SLC22A3: variants seen among roughly 807,000 people sequenced by gnomAD.
The protein encoded by SLC22A3 is EMT organic cation transporter 3.
A neutral mutation model predicts 59.1 loss-of-function variants in SLC22A3; 51 were observed. That is an observed-to-expected ratio of 0.86 (90% confidence interval 0.69 to 1.09). The LOEUF (loss-of-function observed/expected upper bound fraction) is 1.09, where lower values mean the gene tolerates loss of function less well. Ranked by LOEUF, SLC22A3 falls within the 50% of genes least tolerant of loss-of-function variation. The probability of loss-of-function intolerance (pLI) is 0.00; values close to 1 mark genes in which losing one functional copy is unlikely to be tolerated. For missense variants in SLC22A3, 711 were observed against 726.3 expected (o/e 0.98, Z 0.24); for synonymous variants, 325 against 292.0 (o/e 1.11, Z -1.15).
chr6:160,396,746 A>C (rs532888754), intron 1 of SLC22A3, among the ~76,000 whole-genome samples: 519 of 152,242 alleles, frequency 3.4e-3, no homozygotes, highest in African/African-American at 0.011. Context: ...AATTTATTAC[A>C]TCTTATTTTT....
intron 9 of SLC22A3, among the ~76,000 whole-genome samples, chr6:160,445,503 C>A (rs1041908460): frequency 6.6e-6 from 1 of 152,176 alleles, no homozygotes; most frequent in East Asian, 1.9e-4. Context: ...TGTAGAAACA[C>A]AGATATGCAA....
rs1259246871 is a variant in SLC22A3 at position 160,451,747 on chromosome 6, C to G, written c.*691C>G. On this transcript the variant is annotated 3_prime_UTR_variant, in exon 11 of 11. Coordinates refer to ENST00000275300, the MANE Select transcript of SLC22A3 (RefSeq NM_021977.4). ...ACCAATCTGCTGTACAATCTGAGGA[C>G]TTGGCTCTGTTATTTACAAAATGAT... 4 of 152,228 alleles carry G rather than the reference C, an allele frequency of 2.6e-5. No individual in the cohort carries two copies. Among genetic ancestry groups the G allele is most frequent in the Non-Finnish European group, 5.9e-5 (4 of 68,088 alleles). The allele number at this position is 152,228 out of a possible 1,614,324, so 9.4% of individuals were successfully genotyped here. A position where few individuals can be genotyped will look rare whatever the true frequency, so the allele number is the denominator to read the frequency against.
rs549058847 is a variant in SLC22A3 at position 160,420,785 on chromosome 6, C to T, written c.975+9939C>T. Among the ~76,000 whole-genome samples, 6 of 152,320 alleles carry T rather than the reference C, an allele frequency of 3.9e-5. No individual in the cohort carries two copies. In the South Asian group the frequency reaches 6.2e-4, roughly 16 times the overall value. ...GATTCCAAAGGTCTACACTTGCAGG[C>T]GTCACAAGTCCTCCCTGCCCATCCC... On this transcript the variant is annotated intron_variant, in intron 5 of 10. Coordinates refer to ENST00000275300, the MANE Select transcript of SLC22A3 (RefSeq NM_021977.4).
At chr6:160,400,220 C>T (rs572166819) in intron 2 of SLC22A3, among the ~76,000 whole-genome samples, 3 of 149,332 alleles carry the variant, frequency 2.0e-5, no homozygotes, top group Admixed American at 6.8e-5. Context: ...GAATATCGTT[C>T]TTAACAATGT....
At chr6:160,355,398 G>T (rs1784796799) in intron 1 of SLC22A3, among the ~76,000 whole-genome samples, 1 of 152,130 alleles carries the variant, frequency 6.6e-6, no homozygotes, top group Admixed American at 6.5e-5. Flanking sequence ...AGTCACCCTG[G>T]GACATGTGCC....
intron 2 of SLC22A3, among the ~76,000 whole-genome samples, chr6:160,405,499 CA>C (rs1367332791): frequency 6.6e-6 from 1 of 152,132 alleles, no homozygotes; most frequent in Non-Finnish European, 1.5e-5. Context: ...AAAATTCTTA[CA>C]CATTTTTGTA....
chr6:160,433,614 G>A (rs1788233658), intron 5 of SLC22A3, among the ~76,000 whole-genome samples: 1 of 152,088 alleles, frequency 6.6e-6, no homozygotes, highest in African/African-American at 2.4e-5. Flanking sequence ...AGGCTGAGGT[G>A]GGAGGATTGC....
At chr6:160,414,534 G>T (rs1787391425) in intron 5 of SLC22A3, among the ~76,000 whole-genome samples, 1 of 152,168 alleles carries the variant, frequency 6.6e-6, no homozygotes, top group Non-Finnish European at 1.5e-5. Context: ...ATAAAGAACT[G>T]CCCAAGACTG....
At chr6:160,436,603 A>G (rs1788341213) in intron 5 of SLC22A3, among the ~76,000 whole-genome samples, 177 bp from the exon 6 acceptor site, 1 of 152,174 alleles carries the variant, frequency 6.6e-6, no homozygotes, top group Non-Finnish European at 1.5e-5. Flanking sequence ...TATCTTTGTG[A>G]ATTTGATGTG....
intron 1 of SLC22A3, among the ~76,000 whole-genome samples, chr6:160,350,955 C>G (rs78538102): frequency 0.011 from 1,619 of 152,238 alleles, 11 homozygotes; most frequent in Non-Finnish European, 0.015. Context: ...CAGCCCGTTA[C>G]AATGCTCCAA....
chr6:160,353,607 C>T (rs1410404084), intron 1 of SLC22A3, among the ~76,000 whole-genome samples: 1 of 152,070 alleles, frequency 6.6e-6, no homozygotes, highest in East Asian at 1.9e-4. Flanking sequence ...AAAAGATGTT[C>T]TATTCTCACA....
intron 1 of SLC22A3, among the ~76,000 whole-genome samples, chr6:160,383,631 C>T (rs778067941): frequency 7.9e-5 from 12 of 151,768 alleles, no homozygotes; most frequent in Non-Finnish European, 1.2e-4. Flanking sequence ...ATGGATAAAA[C>T]GCAAATGTGA....
chr6:160,393,992 G>A (rs895111363), intron 1 of SLC22A3, among the ~76,000 whole-genome samples: 3 of 152,232 alleles, frequency 2.0e-5, no homozygotes, highest in Admixed American at 6.5e-5. Context: ...AGTTGTTTGA[G>A]TCTTTTATCA....
intron 5 of SLC22A3, among the ~76,000 whole-genome samples, chr6:160,419,767 C>T (rs1256234743): frequency 6.6e-6 from 1 of 152,102 alleles, no homozygotes; most frequent in African/African-American, 2.4e-5. Flanking sequence ...AGTATGTGTA[C>T]CATCACACTC....
intron 1 of SLC22A3, among the ~76,000 whole-genome samples, chr6:160,395,351 C>T (rs1409071495): frequency 6.6e-6 from 1 of 152,188 alleles, no homozygotes; most frequent in Non-Finnish European, 1.5e-5. Flanking sequence ...GCTATGTCAT[C>T]TACGAAAAGC....
At chr6:160,354,231 C>T (rs1322887064) in intron 1 of SLC22A3, among the ~76,000 whole-genome samples, 2 of 152,196 alleles carry the variant, frequency 1.3e-5, no homozygotes, top group East Asian at 3.8e-4. Context: ...AAATCTTGTC[C>T]TAAATCCCAG....
At chr6:160,434,236 A>G (rs1359339288) in intron 5 of SLC22A3, among the ~76,000 whole-genome samples, 1 of 152,232 alleles carries the variant, frequency 6.6e-6, no homozygotes, top group East Asian at 1.9e-4. Context: ...TTTTTTCATA[A>G]AACAATGTTT....
At chr6:160,418,173 C>A (rs968622150) in intron 5 of SLC22A3, among the ~76,000 whole-genome samples, 2 of 152,248 alleles carry the variant, frequency 1.3e-5, no homozygotes, top group South Asian at 4.2e-4. Context: ...TGTGGGTGAG[C>A]ACCATCCAGT....
chr6:160,444,528 G>A (rs1274354498), intron 9 of SLC22A3, among the ~76,000 whole-genome samples: 3 of 152,120 alleles, frequency 2.0e-5, no homozygotes, highest in East Asian at 1.9e-4. Context: ...CAGGTCCCTC[G>A]AGTGCACCTC....
Sources: gnomAD v4.1 joint callset for allele counts (sites outside exome capture counted in the v4.1 genomes callset) on GRCh38, gnomAD v4.1.1 for gene constraint, MANE v1.5 for transcripts, NCBI Gene and HGNC (gene_info 2026-07-23, HGNC 2026-07-21) for gene names.